Variants in CEP63 observed in about 807,000 individuals in gnomAD.
CEP63 encodes the protein centrosomal protein 63.
Under a neutral mutation model 89.1 loss-of-function variants are expected in CEP63, and 84 were observed. That is an observed-to-expected ratio of 0.94 (90% CI 0.79 to 1.13). The LOEUF is 1.13. Among genes scored for constraint, CEP63 ranks in the 50% most tolerant of loss-of-function variants. CEP63 has a pLI of 0.00. For missense variants in CEP63, 838 were observed against 813.3 expected (o/e 1.03, Z -0.37); for synonymous variants, 267 against 272.5 (o/e 0.98, Z 0.20).
chr3:134,590,155 C>T (rs1958572277), downstream of CEP63, among the ~76,000 whole-genome samples: 1 of 152,012 alleles, frequency 6.6e-6, no homozygotes, highest in African/African-American at 2.4e-5. Context: ...ACCTGGGCGA[C>T]AAAATAATCT....
At position 134,562,069 on chromosome 3, in the gene CEP63, G is replaced by C; in HGVS notation, c.*534G>C. The C allele has an allele frequency of 1.0e-6, 1 of 995,036 alleles. No individual in the cohort carries two copies. The highest frequency in any genetic ancestry group is 1.2e-6 in the Non-Finnish European group (1 of 835,858). 61.6% of individuals were successfully genotyped at this position (995,036 alleles called of 1,614,324 possible). ...GTCAGGCTGGTAGTGAATAAGGGGGGGGTGTGCTAAAGAACCTTATCAAGC... is the reference window on the plus strand; with the variant it reads ...GTCAGGCTGGTAGTGAATAAGGGGGCGGTGTGCTAAAGAACCTTATCAAGC... On this transcript the variant is annotated 3_prime_UTR_variant, in exon 15 of 15. Coordinates refer to ENST00000675561, the MANE Select transcript of CEP63 (RefSeq NM_001353108.3).
intron 11 of CEP63, among the ~76,000 whole-genome samples, chr3:134,570,792 C>A (rs1957980377): frequency 6.6e-6 from 1 of 152,180 alleles, no homozygotes; most frequent in African/African-American, 2.4e-5. Context: ...AAAGACATGC[C>A]TGAGACTGGG....
the CEP63 span, chr3:134,604,015 C>G: frequency 6.2e-7 from 1 of 1,613,962 alleles, no homozygotes. Context: ...CTGCTTCTCC[C>G]GGTGCAGCTG....
At chr3:134,680,038 A>G in the CEP63 span, among the ~76,000 whole-genome samples, 1 of 152,120 alleles carries the variant, frequency 6.6e-6, no homozygotes, top group Non-Finnish European at 1.5e-5. Flanking sequence ...TGGTGTTCTT[A>G]TAATAAAAGG....
rs1954482217 is a variant in CEP63, at chr3:134,550,140, A to T, written c.1260A>T (p.Leu420=). 4 of 1,613,618 alleles carry T rather than the reference A, an allele frequency of 2.5e-6. No homozygotes were observed. Among genetic ancestry groups the T allele is most frequent in the South Asian group, 1.1e-5 (1 of 91,068 alleles). ...LEGMKMEISH[L]TQELHQRDIT... is the part of the protein sequence containing the mutation. Reference sequence around the variant, plus strand: ...GAATGAAGATGGAAATCTCCCATCTAACTCAGGAGTTACATCAGCGAGATA... The same window carrying T: ...GAATGAAGATGGAAATCTCCCATCTTACTCAGGAGTTACATCAGCGAGATA... The change falls in exon 11 of 15, where the codon CTA becomes CTT. Residue 420 remains leucine, a synonymous_variant. Transcript: ENST00000675561.
chr3:134,538,990 T>C (rs1951443928), intron 6 of CEP63, among the ~76,000 whole-genome samples: 3 of 152,186 alleles, frequency 2.0e-5, no homozygotes, highest in Admixed American at 2.0e-4. Flanking sequence ...TTTTTCCTAC[T>C]AAGGGTGTTT....
At chr3:134,542,329 G>T (rs542310166) in intron 6 of CEP63, among the ~76,000 whole-genome samples, 1 of 152,136 alleles carries the variant, frequency 6.6e-6, no homozygotes, top group Non-Finnish European at 1.5e-5. Flanking sequence ...TTGATCTGTT[G>T]TCTTGGTAGA....
chr3:134,637,264 C>A, the CEP63 span, among the ~76,000 whole-genome samples: 1 of 152,208 alleles, frequency 6.6e-6, no homozygotes, highest in Non-Finnish European at 1.5e-5. Flanking sequence ...GGTGCTATCG[C>A]CATCAGCAGC....
At chr3:134,538,866 G>A (rs972068277) in intron 6 of CEP63, among the ~76,000 whole-genome samples, 1 of 151,914 alleles carries the variant, frequency 6.6e-6, no homozygotes, top group African/African-American at 2.4e-5. Context: ...TCATATTACT[G>A]TTGTGATTAT....
chr3:134,761,332 A>G, the CEP63 span, among the ~76,000 whole-genome samples: 1 of 152,162 alleles, frequency 6.6e-6, no homozygotes, highest in East Asian at 1.9e-4. Context: ...CCTGAGAGAG[A>G]ACCTGGTGTG....
Position 134,561,780 on chromosome 3 carries a change from A to G in CEP63, c.*245A>G. The G allele has an allele frequency of 7.7e-7, 1 of 1,302,890 alleles. No homozygotes were observed. The highest frequency in any genetic ancestry group is 9.8e-7 in the Non-Finnish European group (1 of 1,021,804). The allele number at this position is 1,302,890 out of a possible 1,614,324, so 80.7% of individuals were successfully genotyped here. ...CCACTTTGCTAGACTTTTTTCTCAT[A>G]CGAATATTTATTATCATAAAGTGAT... is the stretch of plus-strand genomic sequence containing the variant. On this transcript the variant is annotated 3_prime_UTR_variant, in exon 15 of 15. Transcript: ENST00000675561.
chr3:134,708,048 A>C, the CEP63 span, among the ~76,000 whole-genome samples: 1 of 152,180 alleles, frequency 6.6e-6, no homozygotes, highest in Non-Finnish European at 1.5e-5. Flanking sequence ...AACCTAGGGC[A>C]GTCACTAATC....
the CEP63 span, among the ~76,000 whole-genome samples, chr3:134,662,056 C>T: frequency 3.9e-5 from 6 of 152,176 alleles, no homozygotes; most frequent in African/African-American, 1.4e-4. Context: ...GTGGGTAGAT[C>T]ACCTGAGGTC....
In CEP63 at chr3:134,562,279, G is replaced by C. The variant is rs1169978899; in HGVS notation, c.*744G>C. Reference sequence around the variant, plus strand: ...TGTGCCGCAGGCATTTGAAACGATGGGAGTTGATAAGATCCACCAGGGAGG... The same window carrying C: ...TGTGCCGCAGGCATTTGAAACGATGCGAGTTGATAAGATCCACCAGGGAGG... On this transcript the variant is annotated 3_prime_UTR_variant, in exon 15 of 15. Transcript: ENST00000675561. 14 of 951,456 alleles carry C rather than the reference G, an allele frequency of 1.5e-5. No homozygotes were observed. Among genetic ancestry groups the C allele is most frequent in the Non-Finnish European group, 1.8e-5 (14 of 798,692 alleles). The allele number at this position is 951,456 out of a possible 1,614,324, so 58.9% of individuals were successfully genotyped here. A position where few individuals can be genotyped will look rare whatever the true frequency, so the allele number is the denominator to read the frequency against.
Position 134,486,161 on chromosome 3 carries a change from C to A in CEP63, c.-67C>A, listed in dbSNP as rs542628866. ...AAACGCGCCGACTACAGAGGCTGGA[C>A]GTAAGCTTAGCGGTGGCGCGCGTGC... On this transcript the variant is annotated 5_prime_UTR_variant, in exon 1 of 15. Transcript: ENST00000675561. 1 of 985,450 alleles carries A rather than the reference C, an allele frequency of 1.0e-6. No individual in the cohort carries two copies. Among genetic ancestry groups the A allele is most frequent in the Non-Finnish European group, 1.2e-6 (1 of 830,028 alleles). The allele number at this position is 985,450 out of a possible 1,614,324, so 61.0% of individuals were successfully genotyped here.
intron 2 of CEP63, among the ~76,000 whole-genome samples, chr3:134,506,735 C>T (rs1226083867): frequency 6.6e-6 from 1 of 151,964 alleles, no homozygotes; most frequent in Non-Finnish European, 1.5e-5. Context: ...GCCTGGCCTA[C>T]ATGGCAAAAC....
downstream of CEP63, among the ~76,000 whole-genome samples, chr3:134,592,327 C>T (rs1013159827): frequency 2.6e-5 from 4 of 152,180 alleles, no homozygotes; most frequent in African/African-American, 7.2e-5. Context: ...ATCATTTCTG[C>T]GACATTCTAT....
At chr3:134,666,645 A>T in the CEP63 span, among the ~76,000 whole-genome samples, 1 of 152,116 alleles carries the variant, frequency 6.6e-6, no homozygotes, top group Non-Finnish European at 1.5e-5. Flanking sequence ...CAACCCCTGG[A>T]AGGGCAGCCT....
intron 11 of CEP63, among the ~76,000 whole-genome samples, chr3:134,572,817 T>C (rs999812590): frequency 1.3e-5 from 2 of 152,216 alleles, no homozygotes; most frequent in Non-Finnish European, 2.9e-5. Flanking sequence ...TTTAAGTTCA[T>C]TGAGAAATCT....
Sources: allele counts gnomAD v4.1 joint callset (sites outside exome capture counted in the v4.1 genomes callset), GRCh38; gene constraint gnomAD v4.1.1; transcripts MANE v1.5; gene names NCBI Gene and HGNC (gene_info 2026-07-23, HGNC 2026-07-21).